The following PHIP variants were observed in gnomAD, a reference collection of about 807,000 sequenced individuals.
PHIP encodes PH-interacting protein.
A neutral mutation model predicts 236.8 loss-of-function variants in PHIP; 54 were observed. The observed-to-expected ratio is 0.23, with a 90% CI of 0.18 to 0.29. PHIP has a LOEUF of 0.29. Ranked by LOEUF, PHIP falls within the 10% of genes least tolerant of loss-of-function variation. The pLI is 1.00. For missense variants in PHIP, 1,370 were observed against 2,190.8 expected (o/e 0.63, Z 7.48); for synonymous variants, 756 against 718.9 (o/e 1.05, Z -0.83).
rs532064581 is a variant in PHIP, at chr6:78,964,225, A to T, written c.3380-973T>A. ...ACAGCTCTAATTTAGCAGTGAGATAAAAAAAAATATATTATTGGCATTAAA... is the reference window on the plus strand; with the variant it reads ...ACAGCTCTAATTTAGCAGTGAGATATAAAAAAATATATTATTGGCATTAAA... On this transcript the variant is annotated intron_variant, in intron 29 of 39. Coordinates refer to ENST00000275034, the MANE Select transcript of PHIP (RefSeq NM_017934.7). 6.5e-4 allele frequency among the ~76,000 whole-genome samples: 97 copies of T among 150,238 alleles called. 1 individual carries two copies. In the South Asian group the frequency reaches 8.2e-3, roughly 13 times the overall value.
Position 78,935,397 on chromosome 6 carries a change from C to G in PHIP, c.*5296G>C, listed in dbSNP as rs906670664. ...GATTCTTAGTCAATAAAAATGCATG[C>G]CAATCTGACAAAATTTCTAGGAAAA... On this transcript the variant is annotated 3_prime_UTR_variant, in exon 40 of 40. Transcript: ENST00000275034. 1 of 566,078 alleles carries G rather than the reference C, an allele frequency of 1.8e-6. No homozygotes were observed. The highest frequency in any genetic ancestry group is 6.4e-5 in the Admixed American group (1 of 15,718). 35.1% of individuals were successfully genotyped at this position (566,078 alleles called of 1,614,324 possible).
rs1454608993 is a variant in PHIP, at chr6:79,077,501, G to T, written c.136C>A (p.Pro46Thr). Reference sequence around the variant, plus strand: ...TTCCCGGTCCAGTCGGTGCGCCGGGGCAGCAGCTGCGGGGAGAGGACACCC... The same window carrying T: ...TTCCCGGTCCAGTCGGTGCGCCGGGTCAGCAGCTGCGGGGAGAGGACACCC... The part of the protein sequence containing the change: ...IREVAEKELL[P>T]RRTDWTGKEH... The change falls in exon 4 of 40, where the codon CCC becomes ACC. Residue 46 changes from proline to threonine, a missense_variant. Transcript: ENST00000275034. The T allele has an allele frequency of 6.4e-7, 1 of 1,552,140 alleles. No homozygotes were observed. The highest frequency in any genetic ancestry group is 8.7e-7 in the Non-Finnish European group (1 of 1,148,028).
intron 6 of PHIP, among the ~76,000 whole-genome samples, chr6:79,053,067 T>C (rs903305611): frequency 2.6e-5 from 4 of 152,102 alleles, no homozygotes; most frequent in South Asian, 2.1e-4. Context: ...CCTGTAATCC[T>C]AGCACTTTGG....
At chr6:79,069,306 T>C (rs1027799642) in intron 4 of PHIP, among the ~76,000 whole-genome samples, 1 of 151,442 alleles carries the variant, frequency 6.6e-6, no homozygotes. Flanking sequence ...AGCTTACAAT[T>C]ATAAATCTGT....
chr6:79,005,445 A>G (rs1770236315), intron 15 of PHIP, among the ~76,000 whole-genome samples: 1 of 152,034 alleles, frequency 6.6e-6, no homozygotes, highest in South Asian at 2.1e-4. Flanking sequence ...GCAAATAAAA[A>G]AAAAAGTTAC....
chr6:79,065,577 CCTTT>C (rs1287539913), intron 4 of PHIP, among the ~76,000 whole-genome samples: 6 of 152,104 alleles, frequency 3.9e-5, no homozygotes, highest in East Asian at 1.9e-4. Flanking sequence ...AATGTAACTT[CCTTT>C]GTTTTTCTAT....
intron 36 of PHIP, 67 bp from the exon 37 acceptor site, chr6:78,946,941 G>T: frequency 1.2e-6 from 1 of 863,684 alleles, no homozygotes; most frequent in Non-Finnish European, 1.8e-6. Context: ...AGTAAATACT[G>T]TAATGTAAAT....
intron 7 of PHIP, among the ~76,000 whole-genome samples, chr6:79,039,145 T>C (rs532076319): frequency 1.8e-4 from 28 of 152,258 alleles, no homozygotes; most frequent in African/African-American, 6.7e-4. Flanking sequence ...AGAAAAATTC[T>C]CCTCACTCTT....
At chr6:78,985,981 T>C (rs1189124160) in intron 21 of PHIP, among the ~76,000 whole-genome samples, 1 of 152,150 alleles carries the variant, frequency 6.6e-6, no homozygotes, top group Non-Finnish European at 1.5e-5. Context: ...ATCCTACAGA[T>C]TACCATTGTA....
chr6:78,975,096 T>C (rs1767948268), intron 24 of PHIP, among the ~76,000 whole-genome samples: 1 of 151,668 alleles, frequency 6.6e-6, no homozygotes, highest in African/African-American at 2.4e-5. Flanking sequence ...ACCAATATCC[T>C]TGATGAACAT....
intron 24 of PHIP, among the ~76,000 whole-genome samples, chr6:78,975,904 G>T (rs1768021110): frequency 6.7e-6 from 1 of 150,316 alleles, no homozygotes; most frequent in Admixed American, 6.6e-5. Context: ...AACATTCCAT[G>T]CTCATGGGTA....
chr6:79,075,655 A>G (rs374618011), intron 4 of PHIP, among the ~76,000 whole-genome samples: 3 of 151,182 alleles, frequency 2.0e-5, no homozygotes, highest in South Asian at 2.1e-4. Context: ...CAAAAAAACA[A>G]AATGATATTC....
intron 4 of PHIP, among the ~76,000 whole-genome samples, chr6:79,071,722 G>A (rs1773889590): frequency 1.3e-5 from 2 of 151,954 alleles, no homozygotes; most frequent in Admixed American, 1.3e-4. Flanking sequence ...ATTTATACAA[G>A]GAAACTACTA....
intron 4 of PHIP, among the ~76,000 whole-genome samples, chr6:79,063,487 G>A (rs1021106551): frequency 2.6e-5 from 4 of 152,160 alleles, no homozygotes; most frequent in African/African-American, 4.8e-5. Context: ...CGGGATCTCG[G>A]CTCACTGCAA....
chr6:78,984,895 A>G (rs1390073062), intron 22 of PHIP, among the ~76,000 whole-genome samples: 1 of 152,212 alleles, frequency 6.6e-6, no homozygotes, highest in Non-Finnish European at 1.5e-5. Context: ...AACAATGTGA[A>G]TCGCCAGTAT....
chr6:79,025,716 T>C, intron 8 of PHIP, 97 bp from the exon 9 acceptor site: 2 of 819,126 alleles, frequency 2.4e-6, no homozygotes, highest in South Asian at 3.1e-5. Context: ...ACAACAACAG[T>C]TAGAAAATGG....
At chr6:79,053,159 CA>C (rs1473678238) in intron 6 of PHIP, among the ~76,000 whole-genome samples, 1 of 151,886 alleles carries the variant, frequency 6.6e-6, no homozygotes, top group Non-Finnish European at 1.5e-5. Flanking sequence ...ACTAAAAATA[CA>C]AAAATTAGCC....
intron 31 of PHIP, among the ~76,000 whole-genome samples, chr6:78,960,753 G>A (rs1167747733): frequency 1.3e-5 from 2 of 152,040 alleles, no homozygotes; most frequent in Non-Finnish European, 2.9e-5. Context: ...CAACTAGGGG[G>A]CTGCTACTGG....
At chr6:79,060,162 A>G (rs1773302240) in intron 6 of PHIP, among the ~76,000 whole-genome samples, 1 of 151,954 alleles carries the variant, frequency 6.6e-6, no homozygotes, top group South Asian at 2.1e-4. Context: ...GTCTCCTACC[A>G]TTATAACTAA....
Sources: allele counts gnomAD v4.1 joint callset (sites outside exome capture counted in the v4.1 genomes callset), GRCh38; gene constraint gnomAD v4.1.1; transcripts MANE v1.5; gene names NCBI Gene and HGNC (gene_info 2026-07-23, HGNC 2026-07-21).